RYR2: variants seen among roughly 807,000 people sequenced by gnomAD.
RYR2 encodes the protein ryanodine receptor 2, also known as cardiac muscle ryanodine receptor-calcium release channel.
A neutral mutation model predicts 601.1 loss-of-function variants in RYR2; 227 were observed. That is an observed-to-expected ratio of 0.38 (90% CI 0.34 to 0.42). The LOEUF is 0.42. RYR2 is among the 10% of genes least tolerant of loss of function. The probability of loss-of-function intolerance (pLI) is 1.00; values close to 1 mark genes in which losing one functional copy is unlikely to be tolerated. For missense variants in RYR2, 4,646 were observed against 6,156.5 expected (o/e 0.75, Z 8.21); for synonymous variants, 2,223 against 2,175.1 (o/e 1.02, Z -0.61).
chr1:237,265,304 A>T (rs181088658), intron 1 of RYR2, among the ~76,000 whole-genome samples: 8 of 152,262 alleles, frequency 5.3e-5, no homozygotes, highest in Admixed American at 4.6e-4. Flanking sequence ...AGAGCCTTGT[A>T]GGCTGAAGGA....
At chr1:237,403,406 A>G (rs145471530) in intron 10 of RYR2, among the ~76,000 whole-genome samples, 4 of 152,290 alleles carry the variant, frequency 2.6e-5, no homozygotes, top group Admixed American at 6.5e-5. Flanking sequence ...CTAAAATTTT[A>G]TATCCGGTAA....
At chr1:237,632,122 G>C (rs1680397135) in intron 42 of RYR2, among the ~76,000 whole-genome samples, 1 of 151,768 alleles carries the variant, frequency 6.6e-6, no homozygotes, top group Admixed American at 6.6e-5. Flanking sequence ...TTCTCTTTTA[G>C]GGGATATTTA....
chr1:237,726,595 T>C (rs1248168070), intron 75 of RYR2, among the ~76,000 whole-genome samples: 1 of 152,130 alleles, frequency 6.6e-6, no homozygotes, highest in African/African-American at 2.4e-5. Context: ...TAAAGAATAG[T>C]AGAATTTTTA....
intron 45 of RYR2, among the ~76,000 whole-genome samples, 157 bp downstream of exon 45, chr1:237,638,649 A>C (rs1681123880): frequency 1.3e-5 from 2 of 152,194 alleles, no homozygotes; most frequent in South Asian, 2.1e-4. Context: ...CTTATAATAC[A>C]ATATTTGTTT....
chr1:237,659,252 A>T (rs1483320467), intron 54 of RYR2, among the ~76,000 whole-genome samples: 3 of 152,166 alleles, frequency 2.0e-5, no homozygotes, highest in Non-Finnish European at 2.9e-5. Context: ...TTCTTCATTC[A>T]GTAATTGATT....
intron 2 of RYR2, among the ~76,000 whole-genome samples, chr1:237,308,217 T>C (rs1041221927): frequency 6.6e-6 from 1 of 152,164 alleles, no homozygotes; most frequent in African/African-American, 2.4e-5. Flanking sequence ...GATAATAATA[T>C]CGATTCTTGC....
intron 1 of RYR2, among the ~76,000 whole-genome samples, chr1:237,080,770 C>T (rs1665519125): frequency 2.2e-5 from 2 of 92,510 alleles, no homozygotes; most frequent in African/African-American, 8.4e-5. Flanking sequence ...CCCAGCCATC[C>T]CATTACTGGG....
At chr1:237,654,516 C>A in intron 52 of RYR2, 102 bp downstream of exon 52, 4 of 1,171,248 alleles carry the variant, frequency 3.4e-6, no homozygotes, top group East Asian at 2.5e-5. Context: ...CTTTGCTAAC[C>A]AAGACACGTA....
intron 19 of RYR2, among the ~76,000 whole-genome samples, chr1:237,496,182 T>C (rs1664051219): frequency 6.6e-6 from 1 of 152,140 alleles, no homozygotes; most frequent in African/African-American, 2.4e-5. Context: ...GGCAGGAGGA[T>C]CACTTGAGCT....
intron 3 of RYR2, among the ~76,000 whole-genome samples, chr1:237,349,476 T>C (rs1286746387): frequency 6.6e-6 from 1 of 152,098 alleles, no homozygotes; most frequent in Non-Finnish European, 1.5e-5. Flanking sequence ...AAAGAGTAAA[T>C]GCAGGAGGGA....
intron 1 of RYR2, among the ~76,000 whole-genome samples, chr1:237,146,765 C>T (rs1330818069): frequency 2.0e-5 from 3 of 152,046 alleles, no homozygotes; most frequent in African/African-American, 7.2e-5. Flanking sequence ...AAGTATTACC[C>T]TCATCTATTC....
intron 25 of RYR2, among the ~76,000 whole-genome samples, chr1:237,541,784 G>A (rs1203088464): frequency 6.6e-6 from 1 of 152,122 alleles, no homozygotes; most frequent in Non-Finnish European, 1.5e-5. Context: ...GGGTCACAAG[G>A]TGTTCAGTGG....
At chr1:237,266,370 A>G (rs1689061705) in intron 1 of RYR2, among the ~76,000 whole-genome samples, 1 of 151,946 alleles carries the variant, frequency 6.6e-6, no homozygotes. Flanking sequence ...ATGTGTGAGC[A>G]TGTGTGCATG....
chr1:237,685,419 A>C (rs1419158392), intron 62 of RYR2, among the ~76,000 whole-genome samples: 2 of 152,194 alleles, frequency 1.3e-5, no homozygotes, highest in Admixed American at 6.5e-5. Context: ...CAGGCATTAC[A>C]TATAATTTGA....
chr1:237,186,439 G>A lies in RYR2; in HGVS notation c.49-84058G>A, dbSNP rs748936904. On this transcript the variant is annotated intron_variant, in intron 1 of 104. Coordinates refer to ENST00000366574, the MANE Select transcript of RYR2 (RefSeq NM_001035.3). ...CAGTCTAATGCAGGGACATCTTAGT[G>A]TCTGTTTAACTGGACTCAATTGAAC... Among the ~76,000 whole-genome samples the A allele has an allele frequency of 7.9e-4, 120 of 152,144 alleles. 1 individual carries two copies. Among genetic ancestry groups the A allele is most frequent in the Non-Finnish European group, 1.4e-3 (97 of 68,026 alleles).
intron 1 of RYR2, among the ~76,000 whole-genome samples, chr1:237,073,986 A>AT (rs994524586): frequency 2.0e-5 from 3 of 150,988 alleles, no homozygotes; most frequent in African/African-American, 4.9e-5. Flanking sequence ...TTTTCGTCGT[A>AT]TTTTTTTTAA....
intron 17 of RYR2, among the ~76,000 whole-genome samples, chr1:237,475,458 T>A (rs1384298033): frequency 1.3e-5 from 2 of 152,110 alleles, no homozygotes; most frequent in African/African-American, 4.8e-5. Context: ...AATTCCCCAA[T>A]TATATTTACA....
At chr1:237,574,918 A>C (rs1030947962) in intron 29 of RYR2, among the ~76,000 whole-genome samples, 5 of 152,192 alleles carry the variant, frequency 3.3e-5, no homozygotes, top group Non-Finnish European at 7.3e-5. Context: ...TGACCTACAG[A>C]ACTATGAGAT....
chr1:237,819,784 C>T lies in RYR2; in HGVS notation c.14590+592C>T, dbSNP rs1381864458. 6.6e-6 allele frequency among the ~76,000 whole-genome samples: 1 copy of T among 152,122 alleles called. No individual in the cohort carries two copies. The highest frequency in any genetic ancestry group is 1.5e-5 in the Non-Finnish European group (1 of 68,014). On this transcript the variant is annotated intron_variant, in intron 101 of 104. Coordinates refer to ENST00000366574, the MANE Select transcript of RYR2 (RefSeq NM_001035.3). This position sits in a 1 kb window ranked among gnomAD's most constrained non-coding sequence, Gnocchi z 4.0. Reference sequence around the variant, plus strand: ...AGTGAGCCAAGATCACGCCACTGCACTCCAGCCTGGGCAACAAGAGCGAAA... The same window carrying T: ...AGTGAGCCAAGATCACGCCACTGCATTCCAGCCTGGGCAACAAGAGCGAAA...
Sources: allele counts gnomAD v4.1 joint callset (sites outside exome capture counted in the v4.1 genomes callset), GRCh38; gene constraint gnomAD v4.1.1; non-coding constraint Gnocchi (gnomAD v3.1); transcripts MANE v1.5; gene names NCBI Gene and HGNC (gene_info 2026-07-23, HGNC 2026-07-21).